Variants in SYT14 observed in about 807,000 individuals in gnomAD.
SYT14 encodes the protein synaptotagmin-14.
SYT14 carries 32 observed loss-of-function variants against 74.2 expected under a neutral mutation model. That is an observed-to-expected ratio of 0.43 (90% CI 0.33 to 0.58). The LOEUF (loss-of-function observed/expected upper bound fraction) is 0.58, where lower values mean the gene tolerates loss of function less well. Ranked by LOEUF, SYT14 falls within the 20% of genes least tolerant of loss-of-function variation. SYT14 has a pLI of 0.05. For missense variants in SYT14, 791 were observed against 981.8 expected (o/e 0.81, Z 2.60); for synonymous variants, 298 against 337.7 (o/e 0.88, Z 1.29).
chr1:210,121,541 T>C (rs1286635164), intron 7 of SYT14, among the ~76,000 whole-genome samples: 1 of 152,186 alleles, frequency 6.6e-6, no homozygotes, highest in African/African-American at 2.4e-5. Context: ...ACACCTGTAA[T>C]CCCAGCACTT....
At chr1:210,148,716 G>A (rs2083095477) in intron 7 of SYT14, among the ~76,000 whole-genome samples, 1 of 152,038 alleles carries the variant, frequency 6.6e-6, no homozygotes, top group Non-Finnish European at 1.5e-5. Flanking sequence ...CCCCTTAAAA[G>A]AAAGAAAGAG....
intron 7 of SYT14, among the ~76,000 whole-genome samples, chr1:210,116,584 T>C (rs2082365802): frequency 6.6e-6 from 1 of 152,236 alleles, no homozygotes; most frequent in African/African-American, 2.4e-5. Context: ...TGACTTCAAG[T>C]GATCTGCCCC....
intron 8 of SYT14, among the ~76,000 whole-genome samples, chr1:210,157,331 A>G (rs1036392665): frequency 2.6e-5 from 4 of 151,742 alleles, no homozygotes; most frequent in Non-Finnish European, 5.9e-5. Flanking sequence ...AGTGCCAGCT[A>G]CTCAGGAGGG....
At chr1:210,109,874 C>T (rs905057603) in intron 7 of SYT14, among the ~76,000 whole-genome samples, 1 of 152,130 alleles carries the variant, frequency 6.6e-6, no homozygotes, top group African/African-American at 2.4e-5. Context: ...ACCCAAATGC[C>T]CATCAGTGAT....
intron 5 of SYT14, among the ~76,000 whole-genome samples, chr1:210,078,234 C>G (rs553162789): frequency 2.8e-5 from 4 of 142,652 alleles, no homozygotes; most frequent in African/African-American, 1.1e-4. Context: ...GGCGTGAACC[C>G]GGGAGGCAGA....
At chr1:210,077,820 A>G (rs1572260215) in intron 5 of SYT14, among the ~76,000 whole-genome samples, 1 of 152,030 alleles carries the variant, frequency 6.6e-6, no homozygotes, top group Admixed American at 6.6e-5. Context: ...TTTGGGGGAA[A>G]TTTTTTTAAA....
intron 5 of SYT14, among the ~76,000 whole-genome samples, chr1:210,055,461 A>T (rs1339431659): frequency 6.6e-6 from 1 of 152,194 alleles, no homozygotes; most frequent in East Asian, 1.9e-4. Context: ...GCTAGCTTTT[A>T]ATTGATGTTT....
chr1:210,041,815 G>A (rs1347669315), intron 5 of SYT14, among the ~76,000 whole-genome samples: 1 of 152,056 alleles, frequency 6.6e-6, no homozygotes, highest in Non-Finnish European at 1.5e-5. Context: ...ATAGGCAGCA[G>A]GATAAACAGA....
chr1:209,979,154 G>A (rs372766126), intron 2 of SYT14, among the ~76,000 whole-genome samples: 3 of 152,296 alleles, frequency 2.0e-5, no homozygotes, highest in South Asian at 2.1e-4. Flanking sequence ...TGCGCTTCCT[G>A]GGTGAGGCGA....
At chr1:210,168,219 T>C (rs2083476520) in exon 10 of SYT14, 1 of 152,018 alleles carries the variant, frequency 6.6e-6, no homozygotes, top group Non-Finnish European at 1.5e-5. Context: ...CAACTGTTTA[T>C]GACATGAAAA....
chr1:210,053,527 A>C (rs1477101591), intron 5 of SYT14, among the ~76,000 whole-genome samples: 1 of 152,192 alleles, frequency 6.6e-6, no homozygotes, highest in Non-Finnish European at 1.5e-5. Context: ...GTCTATGAAG[A>C]ATGGATTGGA....
At chr1:210,050,485 C>T (rs991641980) in intron 5 of SYT14, among the ~76,000 whole-genome samples, 6 of 152,208 alleles carry the variant, frequency 3.9e-5, no homozygotes, top group African/African-American at 1.2e-4. Flanking sequence ...GCCTGTTACC[C>T]AGTTCTAAAG....
chr1:210,024,465 C>T (rs1412378295), intron 5 of SYT14, among the ~76,000 whole-genome samples: 2 of 152,028 alleles, frequency 1.3e-5, no homozygotes, highest in East Asian at 1.9e-4. Flanking sequence ...GACTGATTTC[C>T]TCATGTATGA....
intron 2 of SYT14, among the ~76,000 whole-genome samples, chr1:210,000,894 T>C (rs1052970573): frequency 3.1e-4 from 47 of 152,280 alleles, no homozygotes; most frequent in African/African-American, 9.9e-4. Context: ...ATGCCTTCTT[T>C]TTAAAACTTG....
chr1:209,999,034 G>A (rs1466528543), intron 2 of SYT14, among the ~76,000 whole-genome samples: 5 of 152,078 alleles, frequency 3.3e-5, no homozygotes, highest in Admixed American at 2.0e-4. Context: ...TAAAGTATTA[G>A]CAGGAACTTA....
At chr1:210,061,240 T>TA (rs1398810476) in intron 5 of SYT14, among the ~76,000 whole-genome samples, 1 of 152,054 alleles carries the variant, frequency 6.6e-6, no homozygotes, top group Non-Finnish European at 1.5e-5. Flanking sequence ...ATAGGACTAA[T>TA]ACGAAATTTT....
chr1:210,018,826 A>G (rs556683253), intron 4 of SYT14, among the ~76,000 whole-genome samples: 5 of 152,200 alleles, frequency 3.3e-5, no homozygotes, highest in South Asian at 2.1e-4. Context: ...GTTCTGACAC[A>G]GGGTTTATAA....
intron 2 of SYT14, among the ~76,000 whole-genome samples, chr1:209,961,365 G>T (rs984296686): frequency 6.6e-6 from 1 of 152,120 alleles, no homozygotes; most frequent in African/African-American, 2.4e-5. Context: ...TAATTGTCCA[G>T]AGTAGAAGAA....
At chr1:209,951,563 T>G (rs1033806695) in intron 1 of SYT14, among the ~76,000 whole-genome samples, 1 of 152,176 alleles carries the variant, frequency 6.6e-6, no homozygotes, top group Non-Finnish European at 1.5e-5. Flanking sequence ...AAGTTAAACA[T>G]GCACTTGCCC....
Sources: gnomAD v4.1 joint callset for allele counts (sites outside exome capture counted in the v4.1 genomes callset) on GRCh38, gnomAD v4.1.1 for gene constraint, MANE v1.5 for transcripts, NCBI Gene and HGNC (gene_info 2026-07-23, HGNC 2026-07-21) for gene names.